The following OR1M1 variants were observed in gnomAD, a reference collection of about 807,000 sequenced individuals.
OR1M1 encodes the protein olfactory receptor 1M1.
For synonymous variants in OR1M1, 157 were observed against 165.5 expected (o/e 0.95, Z 0.39); for missense variants, 397 against 401.8 (o/e 0.99, Z 0.10).
At chr19:9,091,391 A>C (rs2050292240) in intron 1 of OR1M1, among the ~76,000 whole-genome samples, 1 of 151,958 alleles carries the variant, frequency 6.6e-6, no homozygotes, top group Non-Finnish European at 1.5e-5. Flanking sequence ...TTAATCAAGA[A>C]TTGCCACACA....
At chr19:9,087,351 C>G (rs141137632) in intron 1 of OR1M1, among the ~76,000 whole-genome samples, 194 bp downstream of exon 1, 1,718 of 152,274 alleles carry the variant, frequency 0.011, 38 homozygotes, top group African/African-American at 0.04. Flanking sequence ...AATCACAGCT[C>G]ACTGCAGCTT....
chr19:9,094,182 C>T lies in OR1M1; in HGVS notation c.938C>T (p.Ser313Phe). The T allele has an allele frequency of 6.3e-7, 1 of 1,599,658 alleles. No individual in the cohort carries two copies. The highest frequency in any genetic ancestry group is 1.1e-5 in the South Asian group (1 of 90,742). Reference protein sequence around the residue: ...KLVNRKITSSS With the variant: ...KLVNRKITSSF The stretch of plus-strand genomic sequence containing the variant: ...GTCAACAGAAAGATCACCTCATCTT[C>T]CTGACCACCAGGACTCAGGAACTTC... The change falls in exon 2 of 2, where the codon TCC (serine) becomes TTC (phenylalanine). Residue 313 changes from serine (S) to phenylalanine (F), a missense_variant. Ser to Phe is a radical substitution (Grantham distance 155). Coordinates refer to ENST00000641627, the MANE Select transcript of OR1M1 (RefSeq NM_001004456.2).
chr19:9,088,882 C>G (rs2050278202), intron 1 of OR1M1, among the ~76,000 whole-genome samples: 1 of 26,084 alleles, frequency 3.8e-5, no homozygotes, highest in Non-Finnish European at 7.8e-5. Context: ...GAGCGAAACT[C>G]TGTCTCAAAA....
At chr19:9,090,416 C>T (rs1458736261) in intron 1 of OR1M1, among the ~76,000 whole-genome samples, 2 of 152,168 alleles carry the variant, frequency 1.3e-5, no homozygotes, top group Non-Finnish European at 2.9e-5. Flanking sequence ...ATAAAAGTAA[C>T]ATGATCAGAA....
Position 9,093,868 on chromosome 19 carries a change from C to A in OR1M1, c.624C>A (p.Ala208=). Residue 208 remains alanine (A), a synonymous_variant, in exon 2 of 2, where the codon GCC becomes GCA. Coordinates refer to ENST00000641627, the MANE Select transcript of OR1M1 (RefSeq NM_001004456.2). ...TCATTGTGGCAGGGATGGTGATAGC[C>A]ACGCCCTTTGTCTGCATCCTGGCCT... The part of the protein sequence containing the change: ...FILIVAGMVI[A]TPFVCILASY... 6.2e-7 allele frequency: 1 copy of A among 1,614,132 alleles called. No homozygotes were observed. Among genetic ancestry groups the A allele is most frequent in the Non-Finnish European group, 8.5e-7 (1 of 1,180,038 alleles).
At position 9,093,975 on chromosome 19, in the gene OR1M1, A is replaced by C; in HGVS notation, c.731A>C (p.His244Pro). 6.2e-7 allele frequency: 1 copy of C among 1,613,632 alleles called. No homozygotes were observed. Among genetic ancestry groups the C allele is most frequent in the Non-Finnish European group, 8.5e-7 (1 of 1,179,914 alleles). Residue 244 changes from histidine (H) to proline (P), a missense_variant, in exon 2 of 2, where the codon CAC (histidine) becomes CCC (proline). Physicochemically the swap from His to Pro is moderately conservative, Grantham distance 77. Coordinates refer to ENST00000641627, the MANE Select transcript of OR1M1 (RefSeq NM_001004456.2). ...AAAGCCTTCTCCACCTGCAGCTCCC[A>C]CCTGTCTGTGGTTGCTCTCTTCTAT... ...RKKAFSTCSS[H>P]LSVVALFYGT...
At chr19:9,087,597 A>T (rs1172434576) in intron 1 of OR1M1, among the ~76,000 whole-genome samples, 2 of 151,980 alleles carry the variant, frequency 1.3e-5, no homozygotes, top group Non-Finnish European at 2.9e-5. Flanking sequence ...GATTACAGGC[A>T]TACACCACCA....
intron 1 of OR1M1, 174 bp from the exon 2 acceptor site, chr19:9,093,058 C>T (rs2145904856): frequency 2.5e-6 from 1 of 394,530 alleles, no homozygotes; most frequent in East Asian, 3.9e-5. Context: ...TATATACACA[C>T]ACACATATAT....
At chr19:9,089,645 G>A (rs900068442) in intron 1 of OR1M1, among the ~76,000 whole-genome samples, 4 of 151,886 alleles carry the variant, frequency 2.6e-5, no homozygotes, top group African/African-American at 4.8e-5. Context: ...GGCTGGTCTC[G>A]AACTCCTGAC....
At position 9,093,077 on chromosome 19, in the gene OR1M1, T is replaced by TACACACAC. The variant is rs545067737; in HGVS notation, c.-13-154_-13-153insCACACACA. On this transcript the variant is annotated intron_variant, in intron 1 of 1. Transcript: ENST00000641627. The stretch of plus-strand genomic sequence containing the variant: ...TACACACACACATATATATTCTATA[T>TACACACAC]ATACACACACACACACACACACACA... The TACACACAC allele has an allele frequency of 1.5e-3, 681 of 458,906 alleles. 3 individuals carry two copies. Among genetic ancestry groups the TACACACAC allele is most frequent in the African/African-American group, 0.014 (617 of 43,054 alleles). The allele number at this position is 458,906 out of a possible 1,614,324, so 28.4% of individuals were successfully genotyped here.
Position 9,093,076 on chromosome 19 carries a change from AT to A in OR1M1, c.-13-155del, listed in dbSNP as rs2050302662. 6.2e-6 allele frequency: 3 copies of A among 481,124 alleles called. No individual in the cohort carries two copies. In the African/African-American group the frequency reaches 8.0e-5, roughly 13 times the overall value. 29.8% of individuals were successfully genotyped at this position (481,124 alleles called of 1,614,324 possible). Reference sequence around the variant, plus strand: ...ATACACACACACATATATATTCTATATATACACACACACACACACACACACA... The same window carrying A: ...ATACACACACACATATATATTCTATAATACACACACACACACACACACACA... On this transcript the variant is annotated intron_variant, in intron 1 of 1. Coordinates refer to ENST00000641627, the MANE Select transcript of OR1M1 (RefSeq NM_001004456.2).
Position 9,094,209 on chromosome 19 carries a change from G to C in OR1M1, c.*23G>C, listed in dbSNP as rs755780723. The C allele has an allele frequency of 8.1e-6, 12 of 1,487,898 alleles. No homozygotes were observed. The highest frequency in any genetic ancestry group is 2.3e-5 in the East Asian group (1 of 44,154). The allele number at this position is 1,487,898 out of a possible 1,614,324, so 92.2% of individuals were successfully genotyped here. A position where few individuals can be genotyped will look rare whatever the true frequency, so the allele number is the denominator to read the frequency against. On this transcript the variant is annotated 3_prime_UTR_variant, in exon 2 of 2. Coordinates refer to ENST00000641627, the MANE Select transcript of OR1M1 (RefSeq NM_001004456.2). Reference sequence around the variant, plus strand: ...TGACCACCAGGACTCAGGAACTTCTGGGGGGTAGAATATATACATCTGGGA... The same window carrying C: ...TGACCACCAGGACTCAGGAACTTCTCGGGGGTAGAATATATACATCTGGGA...
Position 9,094,332 on chromosome 19 carries a change from C to T in OR1M1, c.*146C>T, listed in dbSNP as rs924925462. The T allele has an allele frequency of 1.7e-6, 1 of 585,966 alleles. No individual in the cohort carries two copies. Among genetic ancestry groups the T allele is most frequent in the East Asian group, 2.8e-5 (1 of 35,330 alleles). The allele number at this position is 585,966 out of a possible 1,614,324, so 36.3% of individuals were successfully genotyped here. ...TTAGAGATGGGGTCTCACTATGTTG[C>T]CCGTGCTGGAGTGCAGTGGCGTGAT... On this transcript the variant is annotated 3_prime_UTR_variant, in exon 2 of 2. Transcript: ENST00000641627.
chr19:9,089,621 C>T (rs943701443), intron 1 of OR1M1, among the ~76,000 whole-genome samples: 5 of 151,988 alleles, frequency 3.3e-5, no homozygotes, highest in Admixed American at 6.6e-5. Context: ...GACGGGGTTT[C>T]ACCATGTCGG....
intron 1 of OR1M1, 155 bp from the exon 2 acceptor site, chr19:9,093,077 T>TACACACACACACACACAC (rs545067737): frequency 6.5e-6 from 3 of 458,992 alleles, no homozygotes; most frequent in African/African-American, 4.6e-5. Flanking sequence ...ATATTCTATA[T>TACACACACACACACACAC]ATACACACAC....
rs779435247 is a variant in OR1M1 at position 9,093,902 on chromosome 19, C to T, written c.658C>T (p.Arg220Cys). Residue 220 changes from arginine (R) to cysteine (C), a missense_variant, in exon 2 of 2, where the codon CGC (arginine) becomes TGC (cysteine). Physicochemically the swap from Arg to Cys is radical, Grantham distance 180. Coordinates refer to ENST00000641627, the MANE Select transcript of OR1M1 (RefSeq NM_001004456.2). Reference sequence around the variant, plus strand: ...TGTCTGCATCCTGGCCTCCTATGCTCGCATCCTTGTGGCCATCATGAAGGT... The same window carrying T: ...TGTCTGCATCCTGGCCTCCTATGCTTGCATCCTTGTGGCCATCATGAAGGT... ...PFVCILASYARILVAIMKVPS... is the reference protein window; with the variant it reads ...PFVCILASYACILVAIMKVPS... 45 of 1,614,020 alleles carry T rather than the reference C, an allele frequency of 2.8e-5. No individual in the cohort carries two copies. The highest frequency in any genetic ancestry group is 1.3e-4 in the East Asian group (6 of 44,896).
chr19:9,094,279 C>T lies in OR1M1; in HGVS notation c.*93C>T. The T allele has an allele frequency of 1.5e-6, 1 of 673,350 alleles. No individual in the cohort carries two copies. The highest frequency in any genetic ancestry group is 2.1e-5 in the South Asian group (1 of 48,388). 41.7% of individuals were successfully genotyped at this position (673,350 alleles called of 1,614,324 possible). A position where few individuals can be genotyped will look rare whatever the true frequency, so the allele number is the denominator to read the frequency against. ...AATTGCATGAGTTGAAGAGTAGGCA[C>T]TTTGAATTTTATTATTATTATTATT... On this transcript the variant is annotated 3_prime_UTR_variant, in exon 2 of 2. Coordinates refer to ENST00000641627, the MANE Select transcript of OR1M1 (RefSeq NM_001004456.2).
At chr19:9,088,850 T>C (rs2050278058) in intron 1 of OR1M1, among the ~76,000 whole-genome samples, 1 of 150,940 alleles carries the variant, frequency 6.6e-6, no homozygotes, top group African/African-American at 2.4e-5. Context: ...ATTGCACCAT[T>C]GCACTCCTGC....
intron 1 of OR1M1, among the ~76,000 whole-genome samples, chr19:9,092,736 C>T (rs1167284749): frequency 6.6e-6 from 1 of 151,762 alleles, no homozygotes; most frequent in East Asian, 1.9e-4. Flanking sequence ...CCCATTTCTA[C>T]TAAAAGTACA....
Sources: gnomAD v4.1 joint callset for allele counts (sites outside exome capture counted in the v4.1 genomes callset) on GRCh38, gnomAD v4.1.1 for gene constraint, MANE v1.5 for transcripts, NCBI Gene and HGNC (gene_info 2026-07-23, HGNC 2026-07-21) for gene names.